GRAMD2B: variants seen among roughly 807,000 people sequenced by gnomAD.
GRAMD2B encodes the protein GRAM domain containing 2B.
Under a neutral mutation model 59.2 loss-of-function variants are expected in GRAMD2B, and 41 were observed. The ratio of observed to expected loss-of-function variants is 0.69; its 90% CI spans 0.54 to 0.90. The LOEUF is 0.90. Ranked by LOEUF, GRAMD2B falls within the 40% of genes least tolerant of loss-of-function variation. The pLI is 0.00. For synonymous variants in GRAMD2B, 161 were observed against 182.7 expected, an observed-to-expected ratio of 0.88 and a Z score of 0.96; for missense variants, 424 against 500.5, an observed-to-expected ratio of 0.85 and a Z score of 1.46.
chr5:126,469,543 G>C, intron 2 of GRAMD2B, 134 bp from the exon 3 acceptor site: 1 of 639,584 alleles, frequency 1.6e-6, no homozygotes, highest in Non-Finnish European at 2.8e-6. Context: ...GCTGAGGTGG[G>C]AGGATCGCTT....
At chr5:126,416,006 C>T (rs1456783105) in intron 1 of GRAMD2B, among the ~76,000 whole-genome samples, 1 of 152,096 alleles carries the variant, frequency 6.6e-6, no homozygotes, top group Non-Finnish European at 1.5e-5. Flanking sequence ...AAAGAACATG[C>T]CAATCATGGC....
At chr5:126,454,465 T>A (rs1021762284) in intron 1 of GRAMD2B, among the ~76,000 whole-genome samples, 14 of 152,196 alleles carry the variant, frequency 9.2e-5, no homozygotes, top group Non-Finnish European at 1.9e-4. Context: ...GTTGCTTTTT[T>A]AAAAAATCAA....
intron 5 of GRAMD2B, among the ~76,000 whole-genome samples, chr5:126,474,069 A>G (rs1770119723): frequency 6.6e-6 from 1 of 152,230 alleles, no homozygotes; most frequent in African/African-American, 2.4e-5. Context: ...CCTATCAAAG[A>G]AAAGATAATT....
At chr5:126,485,388 C>T (rs559273502) in intron 10 of GRAMD2B, among the ~76,000 whole-genome samples, 1 of 152,242 alleles carries the variant, frequency 6.6e-6, no homozygotes, top group South Asian at 2.1e-4. Context: ...TTCTTATTTA[C>T]TAATTATTCT....
intron 1 of GRAMD2B, among the ~76,000 whole-genome samples, chr5:126,460,035 G>A (rs1056431068): frequency 1.3e-5 from 2 of 152,084 alleles, no homozygotes; most frequent in Non-Finnish European, 2.9e-5. Context: ...GTAAGGAACT[G>A]GTTAAATAAC....
intron 1 of GRAMD2B, among the ~76,000 whole-genome samples, chr5:126,446,640 A>C (rs1185069280): frequency 7.3e-6 from 1 of 137,662 alleles, no homozygotes; most frequent in Non-Finnish European, 1.6e-5. Context: ...AAAAAAAAAA[A>C]CCTATGTGTT....
At chr5:126,473,604 A>C (rs1013662775) in intron 5 of GRAMD2B, among the ~76,000 whole-genome samples, 2 of 152,078 alleles carry the variant, frequency 1.3e-5, no homozygotes, top group African/African-American at 4.8e-5. Flanking sequence ...CATATACCTC[A>C]TATATACACA....
At chr5:126,378,444 C>A (rs11241889) in intron 1 of GRAMD2B, among the ~76,000 whole-genome samples, 117,050 of 152,062 alleles carry the variant, frequency 0.77, 46,703 homozygotes, top group Non-Finnish European at 0.88. Context: ...GATTTTTTTC[C>A]TCATTTAAAT....
At chr5:126,363,113 G>A (rs1156649760) in intron 1 of GRAMD2B, among the ~76,000 whole-genome samples, 2 of 152,190 alleles carry the variant, frequency 1.3e-5, no homozygotes, top group African/African-American at 4.8e-5. Flanking sequence ...AAGCATACGA[G>A]TCAATAATAA....
intron 1 of GRAMD2B, among the ~76,000 whole-genome samples, chr5:126,386,899 T>C (rs550357824): frequency 2.0e-5 from 3 of 152,300 alleles, no homozygotes; most frequent in South Asian, 4.1e-4. Context: ...AAAAACACAG[T>C]TGGAAGTCAT....
intron 13 of GRAMD2B, among the ~76,000 whole-genome samples, chr5:126,491,415 G>C (rs1365617177): frequency 6.6e-6 from 1 of 152,172 alleles, no homozygotes; most frequent in Non-Finnish European, 1.5e-5. Context: ...CATAAATGTT[G>C]GAGTCAGGCC....
At chr5:126,365,435 T>A (rs992510450) in intron 1 of GRAMD2B, among the ~76,000 whole-genome samples, 5 of 152,242 alleles carry the variant, frequency 3.3e-5, no homozygotes, top group African/African-American at 9.6e-5. Flanking sequence ...CTATGCAATT[T>A]GACAGATAAT....
At chr5:126,374,597 G>A (rs1444957265) in intron 1 of GRAMD2B, among the ~76,000 whole-genome samples, 1 of 152,132 alleles carries the variant, frequency 6.6e-6, no homozygotes, top group East Asian at 1.9e-4. Context: ...TATGACTTAA[G>A]AAATCCTTCC....
chr5:126,425,605 G>A (rs1192823956), intron 1 of GRAMD2B, among the ~76,000 whole-genome samples: 1 of 151,504 alleles, frequency 6.6e-6, no homozygotes, highest in African/African-American at 2.4e-5. Flanking sequence ...TGTCTCTACA[G>A]ACAAAAAAAA....
intron 1 of GRAMD2B, among the ~76,000 whole-genome samples, chr5:126,414,765 C>T (rs1011899924): frequency 1.3e-5 from 2 of 152,052 alleles, no homozygotes; most frequent in African/African-American, 2.4e-5. Context: ...CACCATGCCC[C>T]GCCTGGTATG....
intron 11 of GRAMD2B, among the ~76,000 whole-genome samples, chr5:126,486,466 C>A (rs1772935775): frequency 6.6e-6 from 1 of 152,154 alleles, no homozygotes; most frequent in Non-Finnish European, 1.5e-5. Flanking sequence ...CTAGGCTGTT[C>A]CTCCCAACCA....
chr5:126,465,546 G>T lies in GRAMD2B; in HGVS notation c.203+1G>T, dbSNP rs1204967024. ...ACCAGAAGAAAATCATTAGCCTATGGTAAGTCCTCCGTTGACTCTCTTTGT... is the reference window on the plus strand; with the variant it reads ...ACCAGAAGAAAATCATTAGCCTATGTTAAGTCCTCCGTTGACTCTCTTTGT... On this transcript the variant is annotated splice_donor_variant, in intron 2 of 13. Coordinates refer to ENST00000285689, the MANE Select transcript of GRAMD2B (RefSeq NM_023927.4). LOFTEE classifies it high-confidence loss of function. 6.2e-7 allele frequency: 1 copy of T among 1,613,272 alleles called. No homozygotes were observed. The highest frequency in any genetic ancestry group is 8.5e-7 in the Non-Finnish European group (1 of 1,179,752).
At chr5:126,383,119 G>A (rs988879835) in intron 1 of GRAMD2B, among the ~76,000 whole-genome samples, 2 of 152,190 alleles carry the variant, frequency 1.3e-5, no homozygotes, top group Admixed American at 6.5e-5. Flanking sequence ...AGTAAACTCC[G>A]TGACTTATTT....
chr5:126,458,977 T>G (rs1766849494), intron 1 of GRAMD2B: 1 of 152,242 alleles, frequency 6.6e-6, no homozygotes, highest in African/African-American at 2.4e-5. Flanking sequence ...TTTTTCCATA[T>G]TTCAGAAAGT....
Sources: allele counts gnomAD v4.1 joint callset (sites outside exome capture counted in the v4.1 genomes callset), GRCh38; gene constraint gnomAD v4.1.1; transcripts MANE v1.5; gene names NCBI Gene and HGNC (gene_info 2026-07-23, HGNC 2026-07-21).